FMN2: variants seen among roughly 807,000 people sequenced by gnomAD.
FMN2 encodes formin-2.
FMN2 carries 51 observed loss-of-function variants against 142.3 expected under a neutral mutation model. The ratio of observed to expected loss-of-function variants is 0.36; its 90% CI spans 0.29 to 0.45. The LOEUF is 0.45. Ranked by LOEUF, FMN2 falls within the 20% of genes least tolerant of loss-of-function variation. FMN2 has a pLI of 1.00. For missense variants in FMN2, 1,936 were observed against 2,122.8 expected, an observed-to-expected ratio of 0.91 and a Z score of 1.73; for synonymous variants, 882 against 869.8, an observed-to-expected ratio of 1.01 and a Z score of -0.25.
intron 8 of FMN2, among the ~76,000 whole-genome samples, chr1:240,298,876 T>G (rs1670088489): frequency 6.6e-6 from 1 of 152,202 alleles, no homozygotes; most frequent in Non-Finnish European, 1.5e-5. Context: ...CCTGGGAATT[T>G]TCCACTTTTT....
At chr1:240,459,647 G>A (rs987356068) in intron 16 of FMN2, among the ~76,000 whole-genome samples, 4 of 140,916 alleles carry the variant, frequency 2.8e-5, no homozygotes, top group African/African-American at 1.0e-4. Context: ...AACCTGGGAG[G>A]TGGAAGTTGC....
At chr1:240,419,692 T>G (rs1674701463) in intron 15 of FMN2, among the ~76,000 whole-genome samples, 1 of 152,164 alleles carries the variant, frequency 6.6e-6, no homozygotes, top group Non-Finnish European at 1.5e-5. Context: ...GCAGGTTTCT[T>G]TGTAGAAGGA....
intron 6 of FMN2, among the ~76,000 whole-genome samples, chr1:240,242,477 T>C (rs950578726): frequency 2.0e-5 from 3 of 152,114 alleles, no homozygotes; most frequent in South Asian, 2.1e-4. Flanking sequence ...ATCAGGATCA[T>C]AGACTAAATA....
chr1:240,151,497 C>T (rs1319605547), intron 2 of FMN2, among the ~76,000 whole-genome samples: 2 of 152,076 alleles, frequency 1.3e-5, no homozygotes, highest in African/African-American at 4.8e-5. Flanking sequence ...GTTCAAACCT[C>T]ACCTTCAGCT....
At chr1:240,101,474 T>G (rs1661409103) in intron 1 of FMN2, among the ~76,000 whole-genome samples, 1 of 152,154 alleles carries the variant, frequency 6.6e-6, no homozygotes. Context: ...TAGACTGTCA[T>G]TATCTGACAA....
intron 6 of FMN2, among the ~76,000 whole-genome samples, chr1:240,227,621 T>C (rs1667358025): frequency 6.6e-6 from 1 of 152,152 alleles, no homozygotes; most frequent in Non-Finnish European, 1.5e-5. Flanking sequence ...TGGAATATAT[T>C]TGAGAGTCCA....
At chr1:240,389,223 T>C (rs547850255) in intron 14 of FMN2, among the ~76,000 whole-genome samples, 2 of 152,316 alleles carry the variant, frequency 1.3e-5, no homozygotes, top group African/African-American at 4.8e-5. Flanking sequence ...CTACTAAAAG[T>C]TACACTGGCT....
chr1:240,153,843 G>A (rs1430500322), intron 2 of FMN2, among the ~76,000 whole-genome samples: 1 of 152,044 alleles, frequency 6.6e-6, no homozygotes, highest in Non-Finnish European at 1.5e-5. Flanking sequence ...CCAGCCGGGC[G>A]CTGTGGCTCA....
chr1:240,395,168 C>T (rs1388534583), intron 15 of FMN2, among the ~76,000 whole-genome samples: 1 of 152,110 alleles, frequency 6.6e-6, no homozygotes, highest in Non-Finnish European at 1.5e-5. Context: ...GCCTGCACAT[C>T]TGTTTACAGC....
chr1:240,122,200 G>C (rs1662307555), intron 1 of FMN2, among the ~76,000 whole-genome samples: 2 of 151,860 alleles, frequency 1.3e-5, no homozygotes, highest in South Asian at 2.1e-4. Flanking sequence ...CGATTCTCCT[G>C]TCTCAGCCTC....
intron 5 of FMN2, among the ~76,000 whole-genome samples, chr1:240,209,569 A>G (rs1666602053): frequency 1.3e-5 from 2 of 150,540 alleles, no homozygotes; most frequent in South Asian, 2.1e-4. Context: ...TCAAATTCTT[A>G]GGTAAACTGA....
intron 14 of FMN2, among the ~76,000 whole-genome samples, chr1:240,373,234 T>A (rs1180282331): frequency 6.6e-6 from 1 of 152,166 alleles, no homozygotes; most frequent in African/African-American, 2.4e-5. Context: ...CAAGTTGTGA[T>A]CTTTTTTCTG....
At chr1:240,429,267 G>C (rs895133931) in intron 15 of FMN2, among the ~76,000 whole-genome samples, 2 of 152,034 alleles carry the variant, frequency 1.3e-5, no homozygotes, top group East Asian at 3.9e-4. Context: ...TAGACATGTC[G>C]TCTTCCTGGC....
intron 4 of FMN2, among the ~76,000 whole-genome samples, chr1:240,188,674 A>G (rs993225327): frequency 6.6e-6 from 1 of 152,244 alleles, no homozygotes; most frequent in Non-Finnish European, 1.5e-5. Flanking sequence ...ACTTTGGTGG[A>G]TGAAACATTA....
intron 2 of FMN2, among the ~76,000 whole-genome samples, chr1:240,158,603 C>A (rs983019030): frequency 6.6e-6 from 1 of 152,098 alleles, no homozygotes; most frequent in Non-Finnish European, 1.5e-5. Flanking sequence ...CATCTCCCCC[C>A]CACCACGCCT....
chr1:240,228,319 A>G (rs1286241150), intron 6 of FMN2, among the ~76,000 whole-genome samples: 6 of 96,104 alleles, frequency 6.2e-5, no homozygotes, highest in African/African-American at 2.9e-4. Context: ...AAAAAAAAAA[A>G]AAAAAAAAAA....
At chr1:240,105,759 A>C (rs1661584665) in intron 1 of FMN2, among the ~76,000 whole-genome samples, 1 of 152,204 alleles carries the variant, frequency 6.6e-6, no homozygotes, top group Non-Finnish European at 1.5e-5. Context: ...TATCAGGTAT[A>C]AATACTGTAT....
At chr1:240,235,361 A>G (rs145391851) in intron 6 of FMN2, among the ~76,000 whole-genome samples, 3 of 152,186 alleles carry the variant, frequency 2.0e-5, no homozygotes, top group South Asian at 2.1e-4. Context: ...TTCATTTTAA[A>G]CGCTCCTTTT....
intron 6 of FMN2, among the ~76,000 whole-genome samples, chr1:240,217,058 C>T (rs540663088): frequency 1.2e-4 from 18 of 152,234 alleles, no homozygotes; most frequent in South Asian, 2.1e-4. Flanking sequence ...AGTGTTCTTA[C>T]GGGAAGCAGT....
Sources: gnomAD v4.1 joint callset for allele counts (sites outside exome capture counted in the v4.1 genomes callset) on GRCh38, gnomAD v4.1.1 for gene constraint, MANE v1.5 for transcripts, NCBI Gene and HGNC (gene_info 2026-07-23, HGNC 2026-07-21) for gene names.